HNMT: variants seen among roughly 807,000 people sequenced by gnomAD.
The protein encoded by HNMT is histamine N-methyltransferase.
In HNMT, 30 loss-of-function variants were observed where a neutral mutation model predicts 32.1. That is an observed-to-expected ratio of 0.93 (90% CI 0.70 to 1.27). The LOEUF (loss-of-function observed/expected upper bound fraction) is 1.27, where lower values mean the gene tolerates loss of function less well. HNMT is among the 50% of genes most tolerant of loss of function. The pLI is 0.00. For synonymous variants in HNMT, 125 were observed against 119.0 expected (o/e 1.05, Z -0.33); for missense variants, 327 against 346.0 (o/e 0.95, Z 0.43).
intron 4 of HNMT, among the ~76,000 whole-genome samples, chr2:138,004,598 C>A (rs3791235): frequency 0.21 from 32,062 of 151,908 alleles, 3,664 homozygotes; most frequent in South Asian, 0.3. Context: ...AAGCAGATAA[C>A]CTCATGCTTT....
intron 2 of HNMT, among the ~76,000 whole-genome samples, chr2:137,970,828 G>A (rs111916845): frequency 0.04 from 6,076 of 151,256 alleles, 190 homozygotes; most frequent in Admixed American, 0.092. Context: ...GCTGAGGCAG[G>A]AGAATGGCGT....
intron 1 of HNMT, among the ~76,000 whole-genome samples, chr2:137,965,283 T>C (rs1178412501): frequency 2.6e-5 from 4 of 152,176 alleles, no homozygotes; most frequent in African/African-American, 9.7e-5. Flanking sequence ...GTGCCAGAGC[T>C]GATAAGCATT....
intron 2 of HNMT, among the ~76,000 whole-genome samples, chr2:137,979,976 C>G (rs1680437736): frequency 6.6e-6 from 1 of 152,060 alleles, no homozygotes; most frequent in Admixed American, 6.5e-5. Flanking sequence ...CAAAGCACTG[C>G]TCCCACAAGT....
At chr2:137,999,763 T>C (rs1438740660) in intron 2 of HNMT, among the ~76,000 whole-genome samples, 2 of 152,128 alleles carry the variant, frequency 1.3e-5, no homozygotes, top group Non-Finnish European at 2.9e-5. Flanking sequence ...AGAAGAGATA[T>C]TTTCAAATAG....
intron 2 of HNMT, among the ~76,000 whole-genome samples, chr2:137,985,820 G>A (rs1052590135): frequency 2.0e-5 from 3 of 151,868 alleles, no homozygotes; most frequent in Non-Finnish European, 2.9e-5. Flanking sequence ...TCAAATACAC[G>A]TGATTTTACA....
chr2:137,976,979 A>C (rs1680306396), intron 2 of HNMT, among the ~76,000 whole-genome samples: 2 of 152,198 alleles, frequency 1.3e-5, no homozygotes, highest in Non-Finnish European at 2.9e-5. Flanking sequence ...TGGCTAATTC[A>C]ATAAGGTTAG....
chr2:137,967,030 T>C (rs1679978843), intron 1 of HNMT: 1 of 778,350 alleles, frequency 1.3e-6, no homozygotes, highest in Non-Finnish European at 2.4e-6. Flanking sequence ...TTTGACTGGA[T>C]ATAGAACTCT....
intron 5 of HNMT, among the ~76,000 whole-genome samples, chr2:138,010,779 G>A (rs1397482539): frequency 6.6e-6 from 1 of 152,042 alleles, no homozygotes; most frequent in Non-Finnish European, 1.5e-5. Flanking sequence ...ATAAGAACAA[G>A]AGAGTTGGAT....
intron 2 of HNMT, among the ~76,000 whole-genome samples, chr2:137,974,857 T>A (rs921757788): frequency 6.6e-6 from 1 of 152,224 alleles, no homozygotes; most frequent in Non-Finnish European, 1.5e-5. Context: ...ACCCTCATAA[T>A]ATTTTTTGTA....
At chr2:137,983,138 C>T (rs957285109) in intron 2 of HNMT, among the ~76,000 whole-genome samples, 2 of 152,064 alleles carry the variant, frequency 1.3e-5, no homozygotes, top group Non-Finnish European at 2.9e-5. Flanking sequence ...AGTTCTAGAG[C>T]CTAAAGTAGT....
chr2:137,991,970 G>A (rs1402056267), intron 2 of HNMT: 1 of 152,162 alleles, frequency 6.6e-6, no homozygotes, highest in African/African-American at 2.4e-5. Context: ...AGAGAAAGAA[G>A]AACAGTGTGG....
intron 5 of HNMT, among the ~76,000 whole-genome samples, chr2:138,009,916 C>A (rs1179263510): frequency 1.3e-5 from 2 of 152,056 alleles, no homozygotes; most frequent in Admixed American, 1.3e-4. Flanking sequence ...CCCCATTTTT[C>A]ATTTACTCAA....
intron 2 of HNMT, among the ~76,000 whole-genome samples, chr2:137,975,040 C>G (rs1286228283): frequency 1.3e-5 from 2 of 152,164 alleles, no homozygotes; most frequent in East Asian, 3.8e-4. Flanking sequence ...AAACCCAGAT[C>G]TCTTGACTTT....
intron 2 of HNMT, among the ~76,000 whole-genome samples, chr2:137,992,917 C>T (rs140288299): frequency 2.0e-5 from 3 of 152,148 alleles, no homozygotes; most frequent in African/African-American, 7.2e-5. Flanking sequence ...CTGAAGTGAA[C>T]CCCCAGCAAA....
intron 3 of HNMT, among the ~76,000 whole-genome samples, chr2:138,001,845 T>G (rs1478040610): frequency 6.6e-6 from 1 of 152,142 alleles, no homozygotes; most frequent in African/African-American, 2.4e-5. Flanking sequence ...AGGGTTCTTG[T>G]AATTATTTCT....
rs1046343395 is a variant in HNMT at position 138,013,904 on chromosome 2, A to G, written c.653A>G (p.Tyr218Cys). The stretch of plus-strand genomic sequence containing the variant: ...AACCTAGGGCTTAAGTATGAGTGCT[A>G]TGACCTTTTGTCCACCATGGATATA... Reference protein sequence around the residue: ...LDNLGLKYECYDLLSTMDISD... With the variant: ...LDNLGLKYECCDLLSTMDISD... Residue 218 changes from tyrosine (Y) to cysteine (C), a missense_variant, in exon 6 of 6, where the codon TAT (tyrosine) becomes TGT (cysteine). Transcript: ENST00000280097. 4 of 1,613,684 alleles carry G rather than the reference A, an allele frequency of 2.5e-6. No individual in the cohort carries two copies. The highest frequency in any genetic ancestry group is 2.2e-5 in the East Asian group (1 of 44,880).
intron 2 of HNMT, among the ~76,000 whole-genome samples, chr2:137,973,702 A>G (rs1680200323): frequency 1.3e-5 from 2 of 152,150 alleles, no homozygotes; most frequent in African/African-American, 4.8e-5. Flanking sequence ...CTTCAAAAAC[A>G]CACAAAAGAA....
intron 4 of HNMT, 184 bp downstream of exon 4, chr2:138,002,378 C>T (rs533673540): frequency 3.0e-5 from 31 of 1,028,828 alleles, no homozygotes; most frequent in Non-Finnish European, 3.8e-5. Context: ...TTCTCTTTAA[C>T]ATTCCAAAAA....
chr2:137,993,466 C>T (rs963928780), intron 2 of HNMT, among the ~76,000 whole-genome samples: 15 of 151,322 alleles, frequency 9.9e-5, no homozygotes, highest in Non-Finnish European at 2.1e-4. Context: ...AGTCTGAAGA[C>T]AAGACTAGAG....
Sources: allele counts gnomAD v4.1 joint callset (sites outside exome capture counted in the v4.1 genomes callset), GRCh38; gene constraint gnomAD v4.1.1; transcripts MANE v1.5; gene names NCBI Gene and HGNC (gene_info 2026-07-23, HGNC 2026-07-21).